NFIA: variants seen among roughly 807,000 people sequenced by gnomAD.
NFIA encodes nuclear factor 1 A-type.
In NFIA, 8 loss-of-function variants were observed where a neutral mutation model predicts 62.8. That is an observed-to-expected ratio of 0.13 (90% CI 0.07 to 0.23). The LOEUF is 0.23. Among genes scored for constraint, NFIA ranks in the 10% least tolerant of loss-of-function variants. NFIA has a pLI of 1.00. For missense variants in NFIA, 410 were observed against 642.1 expected, an observed-to-expected ratio of 0.64 and a Z score of 3.91; for synonymous variants, 235 against 238.1, an observed-to-expected ratio of 0.99 and a Z score of 0.12.
intron 6 of NFIA, 94 bp from the exon 7 acceptor site, chr1:61,383,143 G>C: frequency 6.8e-7 from 1 of 1,468,044 alleles, no homozygotes; most frequent in Non-Finnish European, 9.3e-7. Context: ...TTCTCTTTTT[G>C]TTTGTTTTTA....
At chr1:61,443,113 A>T (rs917868988) in intron 10 of NFIA, among the ~76,000 whole-genome samples, 1 of 152,178 alleles carries the variant, frequency 6.6e-6, no homozygotes, top group Non-Finnish European at 1.5e-5. Context: ...GCATATAGCT[A>T]GCATGCTCGT....
rs780898883 is a variant in NFIA at position 61,332,494 on chromosome 1, T to C, written c.626-18T>C. The C allele has an allele frequency of 6.2e-7, 1 of 1,612,040 alleles. No individual in the cohort carries two copies. Among genetic ancestry groups the C allele is most frequent in the South Asian group, 1.1e-5 (1 of 90,954 alleles). ...TGTATTTATGACACTTTGTTTTCTTTTGTTTTTGTTTCCCCAGGACATTTG... is the reference window on the plus strand; with the variant it reads ...TGTATTTATGACACTTTGTTTTCTTCTGTTTTTGTTTCCCCAGGACATTTG... On this transcript the variant is annotated intron_variant, in intron 3 of 10. Coordinates refer to ENST00000403491, the MANE Select transcript of NFIA (RefSeq NM_001134673.4).
intron 2 of NFIA, among the ~76,000 whole-genome samples, chr1:61,242,474 C>G (rs1421670720): frequency 6.6e-6 from 1 of 152,150 alleles, no homozygotes; most frequent in Non-Finnish European, 1.5e-5. Context: ...GCAGTTTGTA[C>G]TCTGTGATAT....
chr1:61,094,447 A>G lies in NFIA; in HGVS notation c.559+5767A>G, dbSNP rs142744755. Among the ~76,000 whole-genome samples the G allele has an allele frequency of 5.4e-3, 824 of 152,320 alleles. 9 individuals are homozygous for G. The highest frequency in any genetic ancestry group is 0.02 in the Middle Eastern group (6 of 294). On this transcript the variant is annotated intron_variant, in intron 2 of 10. Coordinates refer to ENST00000403491, the MANE Select transcript of NFIA (RefSeq NM_001134673.4). ...CAATTTTTTGCATAGCTTTTTTCAG[A>G]CTAAGACACTATTTAGAGCTTTGGG... is the stretch of plus-strand genomic sequence containing the variant.
At chr1:61,163,926 G>A (rs1649393053) in intron 2 of NFIA, among the ~76,000 whole-genome samples, 1 of 152,170 alleles carries the variant, frequency 6.6e-6, no homozygotes, top group Non-Finnish European at 1.5e-5. Flanking sequence ...TTGGTGCTGT[G>A]TGAAAATCTG....
intron 2 of NFIA, among the ~76,000 whole-genome samples, chr1:61,272,820 A>G (rs1657593235): frequency 1.3e-5 from 2 of 152,130 alleles, no homozygotes; most frequent in South Asian, 4.1e-4. Context: ...ACTCTAGCTC[A>G]TGAGAGTGGA....
intron 2 of NFIA, among the ~76,000 whole-genome samples, chr1:61,160,147 C>T (rs968868034): frequency 6.6e-6 from 1 of 152,098 alleles, no homozygotes; most frequent in African/African-American, 2.4e-5. Context: ...TCCCTGCCTC[C>T]CTAGTACCCA....
intron 3 of NFIA, among the ~76,000 whole-genome samples, chr1:61,319,837 C>CACACACACACACACACACACACA: frequency 8.5e-6 from 1 of 118,158 alleles, no homozygotes; most frequent in African/African-American, 4.3e-5. Context: ...ACACACACAC[C>CACACACACACACACACACACACA]AACTTTCATG....
intron 6 of NFIA, among the ~76,000 whole-genome samples, chr1:61,363,756 A>T (rs1663432240): frequency 6.6e-6 from 1 of 152,172 alleles, no homozygotes; most frequent in South Asian, 2.1e-4. Context: ...ATATATAAGC[A>T]AAGAGTATTA....
intron 4 of NFIA, among the ~76,000 whole-genome samples, chr1:61,350,785 TC>T (rs1355985394): frequency 6.6e-6 from 1 of 152,254 alleles, no homozygotes; most frequent in East Asian, 1.9e-4. Flanking sequence ...TGCTGTTTCC[TC>T]TACCTAGAAG....
At chr1:61,395,676 T>C (rs1665231963) in intron 7 of NFIA, among the ~76,000 whole-genome samples, 1 of 152,236 alleles carries the variant, frequency 6.6e-6, no homozygotes, top group South Asian at 2.1e-4. Context: ...TTGCGTGGCG[T>C]TTGAACACAT....
chr1:61,404,066 CT>C (rs1317119340), intron 7 of NFIA, 37 bp from the exon 8 acceptor site: 14 of 1,607,092 alleles, frequency 8.7e-6, no homozygotes, highest in Non-Finnish European at 1.2e-5. Flanking sequence ...CAAAGCAGGT[CT>C]TTCTTTTCAT....
At chr1:61,420,767 G>A (rs531841191) in intron 9 of NFIA, among the ~76,000 whole-genome samples, 2 of 152,120 alleles carry the variant, frequency 1.3e-5, no homozygotes, top group South Asian at 4.2e-4. Flanking sequence ...AGATGAGAAG[G>A]GAAAGGTTTA....
chr1:61,191,743 G>A (rs772744379), intron 2 of NFIA, among the ~76,000 whole-genome samples: 1 of 152,036 alleles, frequency 6.6e-6, no homozygotes, highest in Non-Finnish European at 1.5e-5. Context: ...CAAAATGGGG[G>A]TGGTTGCACT....
At chr1:61,197,234 C>CTTTTTT (rs1002158986) in intron 2 of NFIA, among the ~76,000 whole-genome samples, 29 of 93,370 alleles carry the variant, frequency 3.1e-4, no homozygotes, top group East Asian at 6.5e-4. Context: ...TACTCTGGTT[C>CTTTTTT]TTTTTTTTTT....
chr1:61,411,977 T>C (rs987982424), intron 9 of NFIA, among the ~76,000 whole-genome samples: 1 of 152,000 alleles, frequency 6.6e-6, no homozygotes, highest in Admixed American at 6.6e-5. Flanking sequence ...CCGGTTCTTA[T>C]AGGCTCTTAT....
chr1:61,437,692 C>G (rs1667392476), intron 10 of NFIA, among the ~76,000 whole-genome samples: 1 of 152,144 alleles, frequency 6.6e-6, no homozygotes, highest in South Asian at 2.1e-4. Flanking sequence ...GTAACTAACT[C>G]TGGGGAGAAG....
intron 2 of NFIA, among the ~76,000 whole-genome samples, chr1:61,231,434 T>G (rs1428168824): frequency 1.3e-5 from 2 of 152,226 alleles, no homozygotes; most frequent in Non-Finnish European, 2.9e-5. Flanking sequence ...TATGCCTAGA[T>G]TAATGTCATT....
chr1:61,139,851 A>G (rs1647369547), intron 2 of NFIA, among the ~76,000 whole-genome samples: 2 of 137,694 alleles, frequency 1.5e-5, no homozygotes, highest in African/African-American at 2.8e-5. Context: ...GAGGTATAAC[A>G]TTGTTTTCTA....
Sources: gnomAD v4.1 joint callset for allele counts (sites outside exome capture counted in the v4.1 genomes callset) on GRCh38, gnomAD v4.1.1 for gene constraint, MANE v1.5 for transcripts, NCBI Gene and HGNC (gene_info 2026-07-23, HGNC 2026-07-21) for gene names.